XYLT1: variants seen among roughly 807,000 people sequenced by gnomAD.
XYLT1 encodes xylosyltransferase 1, also known as beta-D-xylosyltransferase 1.
A neutral mutation model predicts 91.3 loss-of-function variants in XYLT1; 36 were observed. That is an observed-to-expected ratio of 0.39 (90% CI 0.30 to 0.52). XYLT1 has a LOEUF of 0.52. XYLT1 is among the 20% of genes least tolerant of loss of function. The pLI is 0.68. For synonymous variants in XYLT1, 588 were observed against 532.0 expected, an observed-to-expected ratio of 1.11 and a Z score of -1.45; for missense variants, 1,242 against 1,284.5, an observed-to-expected ratio of 0.97 and a Z score of 0.51.
intron 5 of XYLT1, among the ~76,000 whole-genome samples, chr16:17,180,340 G>A (rs2032039864): frequency 6.6e-6 from 1 of 152,232 alleles, no homozygotes; most frequent in East Asian, 1.9e-4. Flanking sequence ...GTAACTTGTT[G>A]GAAACTTCCC....
chr16:17,224,489 T>C (rs144744304), intron 3 of XYLT1, among the ~76,000 whole-genome samples: 25 of 152,352 alleles, frequency 1.6e-4, no homozygotes, highest in African/African-American at 5.8e-4. Flanking sequence ...TTACTCAGTG[T>C]ACGTGCACTT....
intron 9 of XYLT1, among the ~76,000 whole-genome samples, chr16:17,129,092 A>C (rs1055792689): frequency 3.2e-4 from 48 of 150,966 alleles, no homozygotes; most frequent in African/African-American, 1.1e-3. Flanking sequence ...AAAAAAAAAA[A>C]AAAAACTTGA....
At position 17,198,398 on chromosome 16, in the gene XYLT1, T is replaced by C. The variant is rs760529631; in HGVS notation, c.1103A>G (p.His368Arg). The C allele has an allele frequency of 3.1e-6, 5 of 1,614,144 alleles. No homozygotes were observed. The South Asian group carries it at 5.5e-5, about 18-fold the overall frequency. ...CCTGGAGACCTGGAGCACTTGCCGA[T>C]GCAGGTAATTAGAGCGCTTTTCCCA... ...IHVDKRSNYLHRQVLQVSRQY... is the reference protein window; with the variant it reads ...IHVDKRSNYLRRQVLQVSRQY... Residue 368 changes from histidine (H) to arginine (R), a missense_variant, in exon 5 of 12, where the codon CAT becomes CGT. His to Arg is a conservative substitution (Grantham distance 29). Transcript: ENST00000261381.
At chr16:17,438,026 G>C (rs73527439) in intron 1 of XYLT1, among the ~76,000 whole-genome samples, 4,748 of 152,258 alleles carry the variant, frequency 0.031, 219 homozygotes, top group African/African-American at 0.11. Context: ...GAACATTCAG[G>C]AAGAGAGAAA....
intron 1 of XYLT1, among the ~76,000 whole-genome samples, chr16:17,437,305 G>A (rs572462683): frequency 1.3e-5 from 2 of 152,218 alleles, no homozygotes; most frequent in African/African-American, 2.4e-5. Flanking sequence ...ACAAGCTGCC[G>A]GCTTCCCACT....
chr16:17,399,272 C>T (rs1012827961), intron 1 of XYLT1, among the ~76,000 whole-genome samples: 6 of 152,054 alleles, frequency 3.9e-5, no homozygotes, highest in East Asian at 3.9e-4. Flanking sequence ...AGGCCATCCT[C>T]GAGGCTCCTC....
chr16:17,113,291 G>A (rs969041846), intron 11 of XYLT1, among the ~76,000 whole-genome samples: 19 of 151,824 alleles, frequency 1.3e-4, no homozygotes, highest in Admixed American at 2.0e-4. Context: ...TCAGGCACCC[G>A]TCACCATGCC....
At chr16:17,350,117 G>A (rs895953468) in intron 2 of XYLT1, among the ~76,000 whole-genome samples, 3 of 152,046 alleles carry the variant, frequency 2.0e-5, no homozygotes, top group East Asian at 3.9e-4. Context: ...CTCGTGATCC[G>A]CCTGCCTCGG....
chr16:17,190,210 G>T (rs189827959), intron 5 of XYLT1, among the ~76,000 whole-genome samples: 7 of 152,146 alleles, frequency 4.6e-5, no homozygotes, highest in African/African-American at 1.7e-4. Flanking sequence ...ATTAGAGAGC[G>T]TACGGTTGCC....
At chr16:17,430,694 T>TTTAC (rs1396084351) in intron 1 of XYLT1, among the ~76,000 whole-genome samples, 3 of 152,270 alleles carry the variant, frequency 2.0e-5, no homozygotes, top group Middle Eastern at 3.4e-3. Flanking sequence ...TTTGTGAATG[T>TTTAC]TTACATATGG....
rs536638829 is a variant in XYLT1 at position 17,371,670 on chromosome 16, C to G, written c.364-13620G>C. On this transcript the variant is annotated intron_variant, in intron 1 of 11. Transcript: ENST00000261381. Reference sequence around the variant, plus strand: ...CAACTTATCAAAGGATGCAAAAACTCCACAGAAGGAAGGAAGGACCTCATG... The same window carrying G: ...CAACTTATCAAAGGATGCAAAAACTGCACAGAAGGAAGGAAGGACCTCATG... Among the ~76,000 whole-genome samples the G allele has an allele frequency of 7.2e-5, 11 of 152,296 alleles. No individual in the cohort carries two copies. The South Asian group carries it at 2.3e-3, about 32-fold the overall frequency.
intron 2 of XYLT1, among the ~76,000 whole-genome samples, chr16:17,302,217 C>CTAA (rs2034405666): frequency 2.0e-5 from 3 of 151,892 alleles, no homozygotes; most frequent in Non-Finnish European, 2.9e-5. Context: ...AATACTACTA[C>CTAA]TACTACTACT....
Position 17,141,311 on chromosome 16 carries a change from G to A in XYLT1, c.1429C>T (p.Arg477Cys), listed in dbSNP as rs1180844430. 1.9e-6 allele frequency: 3 copies of A among 1,614,128 alleles called. No individual in the cohort carries two copies. Among genetic ancestry groups the A allele is most frequent in the Non-Finnish European group, 2.5e-6 (3 of 1,180,030 alleles). ...LFLECDAHMW[R>C]LGDRRIPEGI... is the part of the protein sequence containing the mutation. Reference sequence around the variant, plus strand: ...TCTGGGATCCGCCGATCTCCCAGGCGCCACATGTGAGCGTCGCACTCCAGG... The same window carrying A: ...TCTGGGATCCGCCGATCTCCCAGGCACCACATGTGAGCGTCGCACTCCAGG... Residue 477 changes from arginine to cysteine, a missense_variant, in exon 7 of 12, where the codon CGC becomes TGC. Around this residue, in one of 3 missense-constraint regions of XYLT1, gnomAD observed 294 missense variants for 376.0 expected, o/e 0.78. Transcript: ENST00000261381.
At chr16:17,143,039 T>A (rs1170626454) in intron 6 of XYLT1, among the ~76,000 whole-genome samples, 1 of 152,176 alleles carries the variant, frequency 6.6e-6, no homozygotes, top group African/African-American at 2.4e-5. Flanking sequence ...TTGTTTAGAA[T>A]TTTGCAAGGC....
chr16:17,311,606 C>T (rs556930010), intron 2 of XYLT1, among the ~76,000 whole-genome samples: 1 of 152,300 alleles, frequency 6.6e-6, no homozygotes, highest in South Asian at 2.1e-4. Flanking sequence ...TGAATTCCTT[C>T]CTTCTTCAAC....
At chr16:17,251,733 A>G (rs1465455857) in intron 3 of XYLT1, among the ~76,000 whole-genome samples, 1 of 152,202 alleles carries the variant, frequency 6.6e-6, no homozygotes, top group East Asian at 1.9e-4. Flanking sequence ...TCGCAGGTGA[A>G]ACAGCCTTTA....
At chr16:17,320,673 G>A (rs140652592) in intron 2 of XYLT1, among the ~76,000 whole-genome samples, 2,767 of 151,056 alleles carry the variant, frequency 0.018, 44 homozygotes, top group South Asian at 0.054. Context: ...GTATAGACGC[G>A]GTTTCACCAT....
chr16:17,458,584 TC>T (rs2036774715), intron 1 of XYLT1, among the ~76,000 whole-genome samples: 1 of 152,064 alleles, frequency 6.6e-6, no homozygotes, highest in South Asian at 2.1e-4. Context: ...CACTTGAACT[TC>T]AGAACAAAAC....
rs2141469989 is a variant in XYLT1 at position 17,102,480 on chromosome 16, CA to C, written c.*6214del. Reference sequence around the variant, plus strand: ...AAAATGTTGCTTTGTCAGACAGAAACAAACTCCCCTAGACAAAAAAATACAG... The same window carrying C: ...AAAATGTTGCTTTGTCAGACAGAAACAACTCCCCTAGACAAAAAAATACAG... On this transcript the variant is annotated 3_prime_UTR_variant, in exon 12 of 12. Coordinates refer to ENST00000261381, the MANE Select transcript of XYLT1 (RefSeq NM_022166.4). The C allele has an allele frequency of 6.6e-6, 1 of 152,606 alleles. No individual in the cohort carries two copies. Among genetic ancestry groups the C allele is most frequent in the East Asian group, 1.9e-4 (1 of 5,178 alleles). 9.5% of individuals were successfully genotyped at this position (152,606 alleles called of 1,614,324 possible).
Sources: allele counts gnomAD v4.1 joint callset (sites outside exome capture counted in the v4.1 genomes callset), GRCh38; gene constraint gnomAD v4.1.1; regional missense constraint gnomAD v4.1.1; transcripts MANE v1.5; gene names NCBI Gene and HGNC (gene_info 2026-07-23, HGNC 2026-07-21).